ATP6V1C1: variants seen among roughly 807,000 people sequenced by gnomAD.
ATP6V1C1 encodes the protein ATPase H+ transporting V1 subunit C1.
A neutral mutation model predicts 53.9 loss-of-function variants in ATP6V1C1; 45 were observed. The ratio of observed to expected loss-of-function variants is 0.83; its 90% confidence interval spans 0.66 to 1.07. The LOEUF is 1.07. ATP6V1C1 is among the 50% of genes least tolerant of loss of function. ATP6V1C1 has a pLI of 0.00. For missense variants in ATP6V1C1, 315 were observed against 440.3 expected, an observed-to-expected ratio of 0.72 and a Z score of 2.55; for synonymous variants, 153 against 155.2, an observed-to-expected ratio of 0.99 and a Z score of 0.11.
At chr8:103,054,078 C>A in intron 7 of ATP6V1C1, 96 bp downstream of exon 7, 3 of 938,344 alleles carry the variant, frequency 3.2e-6, no homozygotes, top group South Asian at 1.8e-5. Flanking sequence ...AAAATCCAAG[C>A]GTAAAAGGAA....
At position 103,068,588 on chromosome 8, in the gene ATP6V1C1, T is replaced by C. The variant is rs1437393784; in HGVS notation, c.1054-64T>C. On this transcript the variant is annotated intron_variant, in intron 12 of 12. Coordinates refer to ENST00000518738, the MANE Select transcript of ATP6V1C1 (RefSeq NM_001695.5). Reference sequence around the variant, plus strand: ...TGTTCAATAAAAAGGTAAATGTTAATACTTGCTTTCTTTTTTTGAGTTCTG... The same window carrying C: ...TGTTCAATAAAAAGGTAAATGTTAACACTTGCTTTCTTTTTTTGAGTTCTG... The C allele has an allele frequency of 2.4e-6, 3 of 1,273,156 alleles. No individual in the cohort carries two copies. The East Asian group carries it at 7.4e-5, about 31-fold the overall frequency. The allele number at this position is 1,273,156 out of a possible 1,614,324, so 78.9% of individuals were successfully genotyped here.
At chr8:103,029,123 T>C (rs1816748312) in intron 1 of ATP6V1C1, among the ~76,000 whole-genome samples, 1 of 152,188 alleles carries the variant, frequency 6.6e-6, no homozygotes, top group South Asian at 2.1e-4. Flanking sequence ...TTAATGTTTA[T>C]ACCTATGCAT....
intron 7 of ATP6V1C1, among the ~76,000 whole-genome samples, chr8:103,054,906 T>G (rs1817262730): frequency 2.0e-5 from 3 of 152,150 alleles, no homozygotes; most frequent in Non-Finnish European, 4.4e-5. Context: ...TAGAAAATGA[T>G]GCCTCCATGG....
chr8:103,049,714 A>C (rs1586319816), intron 4 of ATP6V1C1, among the ~76,000 whole-genome samples: 1 of 152,196 alleles, frequency 6.6e-6, no homozygotes, highest in Non-Finnish European at 1.5e-5. Context: ...TGGCAGGAGG[A>C]TCTCTTGAGT....
Position 103,047,464 on chromosome 8 carries a change from A to ACACACACACAT in ATP6V1C1, c.201-1406_201-1405insCACACACACAT, listed in dbSNP as rs137856477. Among the ~76,000 whole-genome samples, 574 of 125,362 alleles carry ACACACACACAT rather than the reference A, an allele frequency of 4.6e-3. 1 individual carries two copies. The highest frequency in any genetic ancestry group is 0.012 in the East Asian group (54 of 4,364). The allele number at this position is 125,362 out of a possible 152,430, so 82.2% of individuals were successfully genotyped here. On this transcript the variant is annotated intron_variant, in intron 3 of 12. Coordinates refer to ENST00000518738, the MANE Select transcript of ATP6V1C1 (RefSeq NM_001695.5). Reference sequence around the variant, plus strand: ...CACACACACACACACACACACACACATTTTTTTTTTAAGGAAAAAAAACCA... The same window carrying ACACACACACAT: ...CACACACACACACACACACACACACACACACACACATTTTTTTTTTTAAGGAAAAAAAACCA...
chr8:103,052,761 T>G lies in ATP6V1C1; in HGVS notation c.412T>G (p.Ser138Ala). The change falls in exon 6 of 13, where the codon TCT (serine) becomes GCT (alanine). Residue 138 changes from serine to alanine, a missense_variant. Ser to Ala is a moderately conservative substitution (Grantham distance 99). Transcript: ENST00000518738. ...AACTCAGATTGATAATGACCTGAAA[T>G]CTCGAGCATCTGCATACAATAACCT... ...GVTQIDNDLKSRASAYNNLKG... is the reference protein window; with the variant it reads ...GVTQIDNDLKARASAYNNLKG... 1 of 1,595,682 alleles carries G rather than the reference T, an allele frequency of 6.3e-7. No homozygotes were observed. Among genetic ancestry groups the G allele is most frequent in the Non-Finnish European group, 8.5e-7 (1 of 1,172,818 alleles).
In ATP6V1C1 at chr8:103,053,488, T is replaced by C. The variant is rs1376028601; in HGVS notation, c.474-396T>C. 2.6e-5 allele frequency among the ~76,000 whole-genome samples: 4 copies of C among 152,062 alleles called. No individual in the cohort carries two copies. In the East Asian group the frequency reaches 7.7e-4, roughly 29 times the overall value. ...GGTTAGCTACCAAAATTGCCTAGTA[T>C]CAAATGATACCCAAGGGAGGGAAGA... is the stretch of plus-strand genomic sequence containing the variant. On this transcript the variant is annotated intron_variant, in intron 6 of 12. Coordinates refer to ENST00000518738, the MANE Select transcript of ATP6V1C1 (RefSeq NM_001695.5).
At chr8:103,024,462 G>A (rs1393144826) in intron 1 of ATP6V1C1, among the ~76,000 whole-genome samples, 5 of 152,102 alleles carry the variant, frequency 3.3e-5, no homozygotes, top group African/African-American at 9.7e-5. Context: ...CTTTGCCAAA[G>A]GTCTCCATGT....
At chr8:103,032,002 A>C (rs969815108) in intron 1 of ATP6V1C1, among the ~76,000 whole-genome samples, 26 of 82,228 alleles carry the variant, frequency 3.2e-4, no homozygotes, top group African/African-American at 1.5e-3. Context: ...CATATATTGT[A>C]AAAAAAAAAC....
At chr8:103,068,555 A>G in intron 12 of ATP6V1C1, 97 bp from the exon 13 acceptor site, 1 of 831,182 alleles carries the variant, frequency 1.2e-6, no homozygotes, top group Non-Finnish European at 1.8e-6. Context: ...CATTTAGCCC[A>G]GAGTAGATGT....
At chr8:103,063,474 A>T (rs1262759312) in intron 10 of ATP6V1C1, among the ~76,000 whole-genome samples, 1 of 152,190 alleles carries the variant, frequency 6.6e-6, no homozygotes, top group Non-Finnish European at 1.5e-5. Flanking sequence ...TAGAGTAGAT[A>T]GAATAGTTAT....
intron 1 of ATP6V1C1, among the ~76,000 whole-genome samples, chr8:103,035,797 C>G (rs1816886242): frequency 6.6e-6 from 1 of 152,190 alleles, no homozygotes; most frequent in South Asian, 2.1e-4. Flanking sequence ...GTGTTCCTTC[C>G]TCCATGATCT....
chr8:103,031,624 T>A (rs913622472), intron 1 of ATP6V1C1, among the ~76,000 whole-genome samples: 2 of 152,106 alleles, frequency 1.3e-5, no homozygotes, highest in Admixed American at 1.3e-4. Flanking sequence ...TTATGAGGGA[T>A]CTGCCCCATG....
intron 1 of ATP6V1C1, among the ~76,000 whole-genome samples, chr8:103,034,870 C>G (rs990632076): frequency 1.3e-5 from 2 of 152,138 alleles, no homozygotes; most frequent in Admixed American, 1.3e-4. Context: ...TGTGCCTGGC[C>G]TCAAGGAGAA....
intron 1 of ATP6V1C1, among the ~76,000 whole-genome samples, chr8:103,028,419 G>A (rs372837474): frequency 2.0e-4 from 30 of 152,298 alleles, no homozygotes; most frequent in African/African-American, 7.2e-4. Context: ...GTCTGTTTTG[G>A]TGAGTTGTTC....
chr8:103,038,862 T>A (rs1027959569), intron 1 of ATP6V1C1, among the ~76,000 whole-genome samples: 6 of 152,246 alleles, frequency 3.9e-5, no homozygotes, highest in African/African-American at 7.2e-5. Flanking sequence ...ATGGTGCTTA[T>A]GAGTAGCTTC....
At chr8:103,042,614 A>C (rs1012504444) in intron 3 of ATP6V1C1, among the ~76,000 whole-genome samples, 1 of 152,208 alleles carries the variant, frequency 6.6e-6, no homozygotes, top group Non-Finnish European at 1.5e-5. Context: ...TTCTCTTTTT[A>C]CTATCTTTAA....
rs771302201 is a variant in ATP6V1C1 at position 103,070,440 on chromosome 8, A to G, written c.*1693A>G. 2.0e-5 allele frequency: 3 copies of G among 152,200 alleles called. No homozygotes were observed. Among genetic ancestry groups the G allele is most frequent in the Non-Finnish European group, 2.9e-5 (2 of 68,028 alleles). 9.4% of individuals were successfully genotyped at this position (152,200 alleles called of 1,614,324 possible). A position where few individuals can be genotyped will look rare whatever the true frequency, so the allele number is the denominator to read the frequency against. On this transcript the variant is annotated 3_prime_UTR_variant, in exon 13 of 13. Transcript: ENST00000518738. ...AAAGACATGTTTGGAGTGTGGATTT[A>G]TCTTCAGTTTTTCTTTGGACAAGAG...
chr8:103,021,634 G>A (rs1816592172), intron 1 of ATP6V1C1, among the ~76,000 whole-genome samples: 1 of 151,320 alleles, frequency 6.6e-6, no homozygotes, highest in Non-Finnish European at 1.5e-5. Flanking sequence ...TGTTGGGGGG[G>A]GCGCGGGTGT....
Sources: allele counts gnomAD v4.1 joint callset (sites outside exome capture counted in the v4.1 genomes callset), GRCh38; gene constraint gnomAD v4.1.1; transcripts MANE v1.5; gene names NCBI Gene and HGNC (gene_info 2026-07-23, HGNC 2026-07-21).